The following EFTUD2 variants were observed in gnomAD, a reference collection of about 807,000 sequenced individuals.
EFTUD2 encodes the protein elongation factor Tu GTP binding domain containing 2.
A neutral mutation model predicts 114.3 loss-of-function variants in EFTUD2; 9 were observed. The ratio of observed to expected loss-of-function variants is 0.08; its 90% CI spans 0.05 to 0.14. The LOEUF (loss-of-function observed/expected upper bound fraction) is 0.14. Among genes scored for constraint, EFTUD2 ranks in the 10% least tolerant of loss-of-function variants. The pLI, the probability that EFTUD2 is intolerant of heterozygous loss-of-function variation, is 1.00. For synonymous variants in EFTUD2, 449 were observed against 462.3 expected, an observed-to-expected ratio of 0.97 and a Z score of 0.37; for missense variants, 765 against 1,241.2, an observed-to-expected ratio of 0.62 and a Z score of 5.76.
chr17:44,893,771 G>C (rs924915462), intron 2 of EFTUD2, among the ~76,000 whole-genome samples: 1 of 132,316 alleles, frequency 7.6e-6, no homozygotes, highest in African/African-American at 2.7e-5. Flanking sequence ...AAAAGGTGGG[G>C]GGGGGGGTGG....
At chr17:44,875,794 G>T in intron 10 of EFTUD2, 140 bp downstream of exon 10, 2 of 950,342 alleles carry the variant, frequency 2.1e-6, no homozygotes. Context: ...CCCCTGCAGA[G>T]TCCCAGGATG....
intron 18 of EFTUD2, chr17:44,859,476 G>A: frequency 1.9e-6 from 1 of 516,130 alleles, no homozygotes; most frequent in South Asian, 2.3e-5. Context: ...TAGCCCTTTA[G>A]CCCTCCTGGC....
intron 4 of EFTUD2, 123 bp from the exon 5 acceptor site, chr17:44,883,847 A>C (rs1279563984): frequency 1.2e-6 from 1 of 810,960 alleles, no homozygotes; most frequent in South Asian, 1.4e-5. Context: ...GAGAGTGCTC[A>C]GGCAGATGTG....
chr17:44,868,765 C>T (rs1019522376), intron 11 of EFTUD2, among the ~76,000 whole-genome samples: 1 of 152,196 alleles, frequency 6.6e-6, no homozygotes, highest in Non-Finnish European at 1.5e-5. Context: ...GACTCTGCTG[C>T]CAGTGTGGGC....
intron 20 of EFTUD2, 52 bp from the exon 21 acceptor site, chr17:44,855,056 G>C: frequency 6.7e-7 from 1 of 1,493,076 alleles, no homozygotes; most frequent in East Asian, 2.3e-5. Context: ...CAGCAGAAGA[G>C]GCATTACTAA....
intron 16 of EFTUD2, among the ~76,000 whole-genome samples, chr17:44,862,494 G>A (rs2050675794): frequency 6.6e-6 from 1 of 152,142 alleles, no homozygotes; most frequent in Admixed American, 6.5e-5. Flanking sequence ...GTGCAAAGGC[G>A]AAGCTTCTGG....
chr17:44,881,946 T>A, intron 6 of EFTUD2: 1 of 515,042 alleles, frequency 1.9e-6, no homozygotes, highest in South Asian at 2.2e-5. Flanking sequence ...TTTTACTTTT[T>A]TGGAGACAGA....
chr17:44,859,110 C>T lies in EFTUD2; in HGVS notation c.1932G>A (p.Leu644=), dbSNP rs746880938. ...TGTCTATCTCTGAGTACATCTTCCG[C>T]AAATCATGCATCACACAGTCCAGGT... ...ELYLDCVMHD[L]RKMYSEIDIK... Residue 644 remains leucine (L), a synonymous_variant, in exon 19 of 28, where the codon TTG becomes TTA. Coordinates refer to ENST00000426333, the MANE Select transcript of EFTUD2 (RefSeq NM_004247.4). 1 of 1,613,962 alleles carries T rather than the reference C, an allele frequency of 6.2e-7. No homozygotes were observed. Among genetic ancestry groups the T allele is most frequent in the South Asian group, 1.1e-5 (1 of 91,078 alleles).
intron 26 of EFTUD2, 24 bp from the exon 27 acceptor site, chr17:44,851,841 T>C: frequency 6.3e-7 from 1 of 1,589,188 alleles, no homozygotes; most frequent in South Asian, 1.1e-5. Context: ...GAATTTCAGA[T>C]GGCCCAGGCA....
chr17:44,882,824 G>T (rs533904269), intron 6 of EFTUD2, among the ~76,000 whole-genome samples: 23 of 152,072 alleles, frequency 1.5e-4, no homozygotes, highest in Non-Finnish European at 2.4e-4. Context: ...GGAAAGAATA[G>T]ACTATAAAAG....
In EFTUD2 at chr17:44,863,583, G is replaced by A. The variant is rs149607126; in HGVS notation, c.1413+72C>T. ...GTGGGAAAGTGGGCATTACTCCTGT[G>A]ACCAGAAATCAGTATCCCCACACAG... On this transcript the variant is annotated intron_variant, in intron 15 of 27. Coordinates refer to ENST00000426333, the MANE Select transcript of EFTUD2 (RefSeq NM_004247.4). The A allele has an allele frequency of 1.1e-4, 169 of 1,561,970 alleles. 2 individuals carry two copies. In the East Asian group the frequency reaches 2.0e-3, roughly 18 times the overall value.
At chr17:44,863,623 G>T in intron 15 of EFTUD2, 32 bp downstream of exon 15, 3 of 1,601,588 alleles carry the variant, frequency 1.9e-6, no homozygotes, top group South Asian at 1.1e-5. Context: ...GGGAAAAAAA[G>T]ACCAGAGAAC....
At chr17:44,856,114 A>G (rs1217882400) in intron 20 of EFTUD2, among the ~76,000 whole-genome samples, 8 of 131,774 alleles carry the variant, frequency 6.1e-5, no homozygotes, top group Middle Eastern at 4.1e-3. Context: ...CTGGGTGACG[A>G]AGTGAGACCC....
At chr17:44,893,770 G>T (rs1278923722) in intron 2 of EFTUD2, among the ~76,000 whole-genome samples, 2 of 96,350 alleles carry the variant, frequency 2.1e-5, no homozygotes, top group Non-Finnish European at 4.8e-5. Flanking sequence ...AAAAAGGTGG[G>T]GGGGGGGGTG....
At chr17:44,865,144 G>T in intron 13 of EFTUD2, 79 bp from the exon 14 acceptor site, 3 of 1,559,190 alleles carry the variant, frequency 1.9e-6, no homozygotes, top group Non-Finnish European at 1.7e-6. Flanking sequence ...GAAGTCCAAA[G>T]AAATATCTGA....
In EFTUD2 at chr17:44,852,391, C is replaced by A. The variant is rs117345300; in HGVS notation, c.2715+18G>T. 2 of 1,613,518 alleles carry A rather than the reference C, an allele frequency of 1.2e-6. No individual in the cohort carries two copies. ...AGAGGTGGGAAGCCAAGTCCGCCAG[C>A]CTGCATTGCTTTCTCACCTGCCAGT... On this transcript the variant is annotated intron_variant, in intron 26 of 27. Transcript: ENST00000426333.
At chr17:44,872,691 A>G (rs1263127159) in intron 10 of EFTUD2, 121 bp from the exon 11 acceptor site, 1 of 1,310,436 alleles carries the variant, frequency 7.6e-7, no homozygotes, top group Non-Finnish European at 1.0e-6. Context: ...GACTTGTGCA[A>G]GACACTCAGT....
chr17:44,851,578 G>C, intron 27 of EFTUD2, 132 bp downstream of exon 27: 3 of 1,039,334 alleles, frequency 2.9e-6, no homozygotes, highest in Non-Finnish European at 4.2e-6. Context: ...GGTTGCCTAA[G>C]GAGTATACAG....
intron 2 of EFTUD2, among the ~76,000 whole-genome samples, chr17:44,888,908 A>G (rs973073385): frequency 2.0e-5 from 3 of 151,176 alleles, no homozygotes; most frequent in African/African-American, 7.3e-5. Flanking sequence ...AAAAGTCCAG[A>G]TTGGAGATAC....
Sources: allele counts gnomAD v4.1 joint callset (sites outside exome capture counted in the v4.1 genomes callset), GRCh38; gene constraint gnomAD v4.1.1; transcripts MANE v1.5; gene names NCBI Gene and HGNC (gene_info 2026-07-23, HGNC 2026-07-21).